Variants in EPHA5 observed in about 807,000 individuals in gnomAD.
The protein encoded by EPHA5 is EPH receptor A5, also known as ephrin type-A receptor 5.
Under a neutral mutation model 105.0 loss-of-function variants are expected in EPHA5, and 60 were observed. That is an observed-to-expected ratio of 0.57 (90% confidence interval 0.46 to 0.71). The LOEUF is 0.71. EPHA5 is among the 30% of genes least tolerant of loss of function. EPHA5 has a pLI of 0.00. For missense variants in EPHA5, 1,218 were observed against 1,274.7 expected, an observed-to-expected ratio of 0.96 and a Z score of 0.68; for synonymous variants, 513 against 449.1, an observed-to-expected ratio of 1.14 and a Z score of -1.80.
chr4:65,320,903 G>T lies in EPHA5; in HGVS notation c.*3211C>A, dbSNP rs1719589361. 4.3e-6 allele frequency: 1 copy of T among 230,256 alleles called. No homozygotes were observed. The highest frequency in any genetic ancestry group is 5.7e-5 in the Admixed American group (1 of 17,618). 14.3% of individuals were successfully genotyped at this position (230,256 alleles called of 1,614,324 possible). ...TTTTTACAGTAATCTTACAACCTTA[G>T]AATACTGACTTGGTAATTGAAACAC... On this transcript the variant is annotated 3_prime_UTR_variant, in exon 17 of 17. Transcript: ENST00000613740.
At chr4:65,450,222 T>A (rs554942343) in intron 5 of EPHA5, among the ~76,000 whole-genome samples, 65 of 152,262 alleles carry the variant, frequency 4.3e-4, no homozygotes, top group Non-Finnish European at 6.6e-4. Context: ...AGAGAAGAAA[T>A]TAACTATAGT....
intron 8 of EPHA5, among the ~76,000 whole-genome samples, chr4:65,369,018 T>C (rs1202216066): frequency 6.6e-6 from 1 of 152,194 alleles, no homozygotes; most frequent in East Asian, 1.9e-4. Context: ...ATGTGATTTC[T>C]AGTCTATGCT....
chr4:65,468,634 T>C (rs1728982057), intron 5 of EPHA5, among the ~76,000 whole-genome samples: 1 of 125,424 alleles, frequency 8.0e-6, no homozygotes, highest in Non-Finnish European at 1.6e-5. Flanking sequence ...GTAAAATATA[T>C]ATAACATATA....
intron 16 of EPHA5, among the ~76,000 whole-genome samples, chr4:65,328,440 G>C (rs1427188682): frequency 4.6e-5 from 7 of 151,096 alleles, no homozygotes; most frequent in Non-Finnish European, 1.0e-4. Flanking sequence ...TAATTATTCA[G>C]GCTTAAATTA....
At chr4:65,444,449 T>C (rs150168972) in intron 5 of EPHA5, among the ~76,000 whole-genome samples, 9 of 152,286 alleles carry the variant, frequency 5.9e-5, no homozygotes, top group Admixed American at 5.9e-4. Context: ...ATCCATTTAT[T>C]GAATGTTACT....
intron 4 of EPHA5, among the ~76,000 whole-genome samples, chr4:65,494,580 A>G (rs1023822603): frequency 1.3e-5 from 2 of 152,226 alleles, no homozygotes; most frequent in Admixed American, 1.3e-4. Context: ...ATTCTCAGAA[A>G]TATATGGAAA....
At chr4:65,543,775 G>A (rs1447630782) in intron 3 of EPHA5, among the ~76,000 whole-genome samples, 2 of 151,718 alleles carry the variant, frequency 1.3e-5, no homozygotes, top group Non-Finnish European at 2.9e-5. Flanking sequence ...AGGCAATCCT[G>A]AGCAAAAAGT....
intron 3 of EPHA5, among the ~76,000 whole-genome samples, chr4:65,533,291 A>G (rs547107362): frequency 1.3e-5 from 2 of 152,268 alleles, no homozygotes; most frequent in Non-Finnish European, 2.9e-5. Context: ...AATTTTTGCC[A>G]TATCTTTACT....
At chr4:65,581,161 G>A (rs1404837758) in intron 3 of EPHA5, among the ~76,000 whole-genome samples, 1 of 151,634 alleles carries the variant, frequency 6.6e-6, no homozygotes, top group Non-Finnish European at 1.5e-5. Flanking sequence ...GGTGACTCGG[G>A]TCCTTTTCCT....
At chr4:65,526,632 T>G (rs1735257986) in intron 3 of EPHA5, among the ~76,000 whole-genome samples, 1 of 151,990 alleles carries the variant, frequency 6.6e-6, no homozygotes, top group Non-Finnish European at 1.5e-5. Context: ...TTATAGTAAG[T>G]ATCTACATGA....
At chr4:65,333,587 C>A (rs1267828448) in intron 15 of EPHA5, among the ~76,000 whole-genome samples, 1 of 137,470 alleles carries the variant, frequency 7.3e-6, no homozygotes, top group Non-Finnish European at 1.6e-5. Context: ...GTGCTGGATT[C>A]CCCTCAATCT....
At chr4:65,493,457 T>C (rs895301370) in intron 4 of EPHA5, among the ~76,000 whole-genome samples, 2 of 152,098 alleles carry the variant, frequency 1.3e-5, no homozygotes, top group Non-Finnish European at 2.9e-5. Flanking sequence ...AAAGTGAAGC[T>C]CAAGATCTTC....
intron 3 of EPHA5, among the ~76,000 whole-genome samples, chr4:65,591,111 T>C (rs1742600189): frequency 6.6e-6 from 1 of 152,076 alleles, no homozygotes; most frequent in African/African-American, 2.4e-5. Flanking sequence ...ATTAAGGTGA[T>C]GAAACAAGAT....
At chr4:65,535,914 G>A (rs528882207) in intron 3 of EPHA5, among the ~76,000 whole-genome samples, 4 of 151,702 alleles carry the variant, frequency 2.6e-5, no homozygotes, top group South Asian at 2.1e-4. Context: ...TACCCATTTA[G>A]GTATTATGGT....
intron 8 of EPHA5, among the ~76,000 whole-genome samples, chr4:65,372,605 T>G (rs943990428): frequency 1.8e-4 from 27 of 152,032 alleles, no homozygotes; most frequent in African/African-American, 6.5e-4. Context: ...AAGAGGAATT[T>G]AGTTATTTAG....
chr4:65,395,017 G>T (rs892095117), intron 8 of EPHA5, among the ~76,000 whole-genome samples: 1 of 152,062 alleles, frequency 6.6e-6, no homozygotes, highest in Non-Finnish European at 1.5e-5. Flanking sequence ...TTAAATAGCT[G>T]CATTAAAAAC....
chr4:65,348,807 A>AT (rs1428141573), intron 13 of EPHA5, among the ~76,000 whole-genome samples: 1 of 61,222 alleles, frequency 1.6e-5, no homozygotes, highest in African/African-American at 5.9e-5. Flanking sequence ...ATATATATAT[A>AT]TATATATATT....
intron 3 of EPHA5, among the ~76,000 whole-genome samples, chr4:65,541,926 G>C (rs1282982682): frequency 3.3e-5 from 5 of 151,896 alleles, no homozygotes; most frequent in East Asian, 3.9e-4. Flanking sequence ...TAGAGTTCAG[G>C]GTTAAGAAAC....
At chr4:65,652,429 A>G (rs2149531003) in intron 1 of EPHA5, among the ~76,000 whole-genome samples, 1 of 152,266 alleles carries the variant, frequency 6.6e-6, no homozygotes, top group East Asian at 1.9e-4. Context: ...CTTAATCCTA[A>G]CAATTGTCTT....
Sources: gnomAD v4.1 joint callset for allele counts (sites outside exome capture counted in the v4.1 genomes callset) on GRCh38, gnomAD v4.1.1 for gene constraint, MANE v1.5 for transcripts, NCBI Gene and HGNC (gene_info 2026-07-23, HGNC 2026-07-21) for gene names.